The following NPAS2 variants were observed in gnomAD, a reference collection of about 807,000 sequenced individuals.
NPAS2 encodes the protein neuronal PAS domain-containing protein 2.
NPAS2 carries 23 observed loss-of-function variants against 107.5 expected under a neutral mutation model. That is an observed-to-expected ratio of 0.21 (90% CI 0.15 to 0.30). The LOEUF is 0.30. NPAS2 is among the 10% of genes least tolerant of loss of function. The pLI is 1.00. For missense variants in NPAS2, 756 were observed against 1,043.3 expected (o/e 0.72, Z 3.79); for synonymous variants, 403 against 417.5 (o/e 0.97, Z 0.42).
chr2:100,822,867 G>A (rs1365388208), intron 1 of NPAS2: 1 of 152,208 alleles, frequency 6.6e-6, no homozygotes, highest in Non-Finnish European at 1.5e-5. Flanking sequence ...TATGCCAACG[G>A]TTTAATTGGC....
rs1684052525 is a variant in NPAS2 at position 100,932,895 on chromosome 2, G to A, written c.182-15G>A. The A allele has an allele frequency of 6.3e-7, 1 of 1,592,976 alleles. No homozygotes were observed. The highest frequency in any genetic ancestry group is 8.6e-7 in the Non-Finnish European group (1 of 1,160,892). On this transcript the variant is annotated splice_polypyrimidine_tract_variant and intron_variant, in intron 3 of 20. Coordinates refer to ENST00000335681, the MANE Select transcript of NPAS2 (RefSeq NM_002518.4). The stretch of plus-strand genomic sequence containing the variant: ...TGCCATTGAATATAAAGGCTTATTT[G>A]TGTCTCTTTTCTAGAAGTCTCAGCG...
intron 2 of NPAS2, among the ~76,000 whole-genome samples, chr2:100,918,224 C>T (rs1683008618): frequency 6.6e-6 from 1 of 152,018 alleles, no homozygotes; most frequent in South Asian, 2.1e-4. Context: ...TGGCAAAATG[C>T]AACATCTATT....
chr2:100,925,768 T>C (rs772235060), intron 3 of NPAS2, among the ~76,000 whole-genome samples: 30 of 152,242 alleles, frequency 2.0e-4, no homozygotes, highest in Non-Finnish European at 3.5e-4. Flanking sequence ...ATTTTCTTAA[T>C]GTCACATTCA....
chr2:100,830,228 C>T (rs1676646475), intron 1 of NPAS2, among the ~76,000 whole-genome samples: 2 of 152,098 alleles, frequency 1.3e-5, no homozygotes, highest in African/African-American at 2.4e-5. Context: ...GAGAATGCCT[C>T]TATTTTTTAT....
intron 2 of NPAS2, among the ~76,000 whole-genome samples, chr2:100,914,335 AC>A (rs1682738129): frequency 1.3e-5 from 2 of 152,044 alleles, no homozygotes; most frequent in African/African-American, 2.4e-5. Flanking sequence ...TGCAAGTACA[AC>A]CCTCCTCTGG....
chr2:100,916,626 G>A (rs1682895184), intron 2 of NPAS2, among the ~76,000 whole-genome samples: 1 of 152,110 alleles, frequency 6.6e-6, no homozygotes, highest in South Asian at 2.1e-4. Flanking sequence ...GAAGTTAGAT[G>A]AGTCTTTAAC....
rs1357949051 is a variant in NPAS2 at position 100,885,785 on chromosome 2, C to G, written c.-22-18948C>G. ...CCCCAGCCAGGTTCAAGTGATTCTT[C>G]TGCCTCAGCCTCCTGAGTAGCTGGG... On this transcript the variant is annotated intron_variant, in intron 1 of 20. Transcript: ENST00000335681. Among the ~76,000 whole-genome samples, 21 of 152,184 alleles carry G rather than the reference C, an allele frequency of 1.4e-4. 1 individual carries two copies. Among genetic ancestry groups the G allele is most frequent in the Non-Finnish European group, 2.9e-5 (2 of 68,020 alleles).
Position 100,968,473 on chromosome 2 carries a change from G to A in NPAS2, c.1055+45G>A, listed in dbSNP as rs773706457. 5 of 1,595,162 alleles carry A rather than the reference G, an allele frequency of 3.1e-6. No individual in the cohort carries two copies. Among genetic ancestry groups the A allele is most frequent in the African/African-American group, 2.7e-5 (2 of 74,546 alleles). ...GTGCGGCTGCGTCCTTGTCGCACCTGGGGGAGGGGTGCAGGATGGCGTGGC... is the reference window on the plus strand; with the variant it reads ...GTGCGGCTGCGTCCTTGTCGCACCTAGGGGAGGGGTGCAGGATGGCGTGGC... On this transcript the variant is annotated intron_variant, in intron 11 of 20. Coordinates refer to ENST00000335681, the MANE Select transcript of NPAS2 (RefSeq NM_002518.4). The surrounding 1 kb of genome is among the most constrained non-coding windows in gnomAD (Gnocchi z 5.3).
At chr2:100,828,572 A>G (rs1676529478) in intron 1 of NPAS2, among the ~76,000 whole-genome samples, 1 of 152,190 alleles carries the variant, frequency 6.6e-6, no homozygotes, top group Non-Finnish European at 1.5e-5. Context: ...TAATTTTTGT[A>G]TATGGTGAAA....
At chr2:100,899,170 G>A (rs923527016) in intron 1 of NPAS2, among the ~76,000 whole-genome samples, 3 of 151,750 alleles carry the variant, frequency 2.0e-5, no homozygotes, top group African/African-American at 7.3e-5. Flanking sequence ...GAAAACGGAC[G>A]TTACGTAAAA....
intron 1 of NPAS2, among the ~76,000 whole-genome samples, chr2:100,825,983 G>C (rs1439993899): frequency 6.6e-6 from 1 of 152,186 alleles, no homozygotes; most frequent in African/African-American, 2.4e-5. Flanking sequence ...ACATGTGTGA[G>C]ATCATGAAAC....
At chr2:100,940,231 G>T (rs1292105291) in intron 5 of NPAS2, among the ~76,000 whole-genome samples, 1 of 152,212 alleles carries the variant, frequency 6.6e-6, no homozygotes, top group Non-Finnish European at 1.5e-5. Context: ...GGCCCAGGCA[G>T]TGAGAGGCAC....
chr2:100,948,380 C>T, intron 6 of NPAS2, 25 bp downstream of exon 6: 1 of 1,581,406 alleles, frequency 6.3e-7, no homozygotes, highest in Non-Finnish European at 8.6e-7. Context: ...TCTGGTTTTA[C>T]AAGCTAGAAA....
intron 4 of NPAS2, among the ~76,000 whole-genome samples, chr2:100,937,137 A>G (rs533661758): frequency 6.6e-6 from 1 of 152,260 alleles, no homozygotes; most frequent in Admixed American, 6.5e-5. Context: ...TTTTTCAGAC[A>G]TTCTGAAATG....
intron 2 of NPAS2, among the ~76,000 whole-genome samples, chr2:100,912,369 T>C (rs1682615485): frequency 1.3e-5 from 2 of 152,164 alleles, no homozygotes; most frequent in South Asian, 2.1e-4. Flanking sequence ...AGGTAAGATA[T>C]GCCAGAATTC....
chr2:100,957,771 A>G (rs1235287554), intron 7 of NPAS2, among the ~76,000 whole-genome samples: 1 of 151,916 alleles, frequency 6.6e-6, no homozygotes, highest in Non-Finnish European at 1.5e-5. Flanking sequence ...CTAAAAATAC[A>G]GAAAAAATTA....
At chr2:100,981,729 A>G (rs1297365183) in intron 15 of NPAS2, among the ~76,000 whole-genome samples, 1 of 152,102 alleles carries the variant, frequency 6.6e-6, no homozygotes, top group African/African-American at 2.4e-5. Flanking sequence ...TGATGATCCC[A>G]GGCTGTTTTG....
chr2:100,851,838 C>G (rs569085612), intron 1 of NPAS2, among the ~76,000 whole-genome samples: 2 of 152,176 alleles, frequency 1.3e-5, no homozygotes, highest in African/African-American at 4.8e-5. Context: ...TCTGGGTCTT[C>G]CGGGTTTTTG....
chr2:100,876,365 C>T lies in NPAS2; in HGVS notation c.-22-28368C>T, dbSNP rs932890750. On this transcript the variant is annotated intron_variant, in intron 1 of 20. Coordinates refer to ENST00000335681, the MANE Select transcript of NPAS2 (RefSeq NM_002518.4). ...TCCCCACGCCTGCTGCTCAGGGCCC[C>T]ATCACCCTCGTGACTGTCAGTGGTG... is the stretch of plus-strand genomic sequence containing the variant. 2.0e-5 allele frequency among the ~76,000 whole-genome samples: 3 copies of T among 152,242 alleles called. No homozygotes were observed. In the South Asian group the frequency reaches 6.2e-4, roughly 32 times the overall value.
Sources: allele counts gnomAD v4.1 joint callset (sites outside exome capture counted in the v4.1 genomes callset), GRCh38; gene constraint gnomAD v4.1.1; non-coding constraint Gnocchi (gnomAD v3.1); transcripts MANE v1.5; gene names NCBI Gene and HGNC (gene_info 2026-07-23, HGNC 2026-07-21).